Variants in RANBP9 observed in about 807,000 individuals in gnomAD.
RANBP9 encodes the protein ran-binding protein 9.
RANBP9 carries 15 observed loss-of-function variants against 84.3 expected under a neutral mutation model. The observed-to-expected ratio is 0.18, with a 90% confidence interval of 0.12 to 0.27. The LOEUF is 0.27. Among genes scored for constraint, RANBP9 ranks in the 10% least tolerant of loss-of-function variants. The pLI is 1.00. For synonymous variants in RANBP9, 392 were observed against 349.6 expected (o/e 1.12, Z -1.35); for missense variants, 809 against 912.8 (o/e 0.89, Z 1.46).
intron 4 of RANBP9, among the ~76,000 whole-genome samples, chr6:13,653,305 G>T (rs1420483598): frequency 6.6e-6 from 1 of 152,094 alleles, no homozygotes; most frequent in African/African-American, 2.4e-5. Context: ...AATTACAACA[G>T]TCATGTTCTA....
intron 4 of RANBP9, 125 bp downstream of exon 4, chr6:13,656,980 AAAAG>A (rs1364339332): frequency 1.1e-6 from 1 of 880,732 alleles, no homozygotes; most frequent in East Asian, 2.7e-5. Context: ...CTGTCTGGGA[AAAAG>A]AAAGAAACCA....
chr6:13,668,057 G>T (rs1260502390), intron 2 of RANBP9, among the ~76,000 whole-genome samples: 2 of 151,868 alleles, frequency 1.3e-5, no homozygotes, highest in Non-Finnish European at 2.9e-5. Context: ...TCAAAAGTAG[G>T]TTCTACTAAG....
At chr6:13,671,222 C>T (rs568118701) in intron 2 of RANBP9, among the ~76,000 whole-genome samples, 1 of 152,230 alleles carries the variant, frequency 6.6e-6, no homozygotes, top group South Asian at 2.1e-4. Flanking sequence ...TAAAATGGTA[C>T]AGCCACTTTG....
At chr6:13,627,065 T>C (rs995247308) in intron 12 of RANBP9, among the ~76,000 whole-genome samples, 5 of 152,212 alleles carry the variant, frequency 3.3e-5, no homozygotes, top group African/African-American at 1.2e-4. Flanking sequence ...TGGGTAGTTT[T>C]CTCCTCCAAT....
chr6:13,635,405 A>T (rs532642702), intron 10 of RANBP9, among the ~76,000 whole-genome samples: 1 of 152,328 alleles, frequency 6.6e-6, no homozygotes, highest in South Asian at 2.1e-4. Flanking sequence ...GGTAATAATT[A>T]TACAATCTAG....
chr6:13,702,920 T>C (rs1758011386), intron 1 of RANBP9, among the ~76,000 whole-genome samples: 1 of 152,198 alleles, frequency 6.6e-6, no homozygotes, highest in Admixed American at 6.5e-5. Flanking sequence ...CACAATGATC[T>C]AATTTCCAAA....
At chr6:13,627,248 TC>T (rs979534081) in intron 12 of RANBP9, among the ~76,000 whole-genome samples, 2 of 152,142 alleles carry the variant, frequency 1.3e-5, no homozygotes, top group African/African-American at 4.8e-5. Flanking sequence ...TGGTTCTACT[TC>T]CCGCCCCTAA....
chr6:13,679,085 C>G (rs1765967222), intron 2 of RANBP9, among the ~76,000 whole-genome samples: 1 of 152,090 alleles, frequency 6.6e-6, no homozygotes, highest in Non-Finnish European at 1.5e-5. Context: ...AATTCTAATT[C>G]TATGCTGACA....
At chr6:13,629,174 A>C (rs980347433) in intron 12 of RANBP9, among the ~76,000 whole-genome samples, 3 of 152,164 alleles carry the variant, frequency 2.0e-5, no homozygotes, top group African/African-American at 7.2e-5. Flanking sequence ...GCAGTGGTGC[A>C]ATCACAGCTC....
intron 2 of RANBP9, among the ~76,000 whole-genome samples, chr6:13,690,309 T>C (rs1766294771): frequency 6.6e-6 from 1 of 152,214 alleles, no homozygotes; most frequent in African/African-American, 2.4e-5. Flanking sequence ...GTTAAATAAA[T>C]ATATTGCTTA....
chr6:13,655,785 T>C (rs150872672), intron 4 of RANBP9, among the ~76,000 whole-genome samples: 2 of 152,332 alleles, frequency 1.3e-5, no homozygotes, highest in African/African-American at 4.8e-5. Context: ...GATTCAAAAC[T>C]TCCAACATCT....
rs371478478 is a variant in RANBP9, at chr6:13,645,961, C to T, written c.928-1232G>A. On this transcript the variant is annotated intron_variant, in intron 5 of 13. Coordinates refer to ENST00000011619, the MANE Select transcript of RANBP9 (RefSeq NM_005493.3). ...AAAATATCAAAAATATAAAGTACTA[C>T]TGGATTATGGAAATAAATGGTTAAA... Among the ~76,000 whole-genome samples the T allele has an allele frequency of 1.8e-4, 28 of 152,230 alleles. No homozygotes were observed. The East Asian group carries it at 4.6e-3, about 25-fold the overall frequency.
intron 5 of RANBP9, among the ~76,000 whole-genome samples, chr6:13,650,848 C>A (rs1342387902): frequency 6.6e-6 from 1 of 152,068 alleles, no homozygotes; most frequent in Non-Finnish European, 1.5e-5. Context: ...CCTGTGGTCC[C>A]AGCTACTTGG....
intron 2 of RANBP9, among the ~76,000 whole-genome samples, chr6:13,676,885 C>CA (rs1562314688): frequency 6.6e-6 from 1 of 152,052 alleles, no homozygotes; most frequent in African/African-American, 2.4e-5. Flanking sequence ...AGAACATCTA[C>CA]AAAAAACCTA....
chr6:13,692,626 C>T (rs985361389), intron 2 of RANBP9, among the ~76,000 whole-genome samples: 6 of 148,966 alleles, frequency 4.0e-5, no homozygotes, highest in South Asian at 2.1e-4. Flanking sequence ...CAGAGGCAGG[C>T]GGATCACCTG....
intron 2 of RANBP9, among the ~76,000 whole-genome samples, chr6:13,685,137 G>C (rs568621401): frequency 1.3e-5 from 2 of 152,236 alleles, no homozygotes; most frequent in African/African-American, 4.8e-5. Context: ...ACCCCTTCTT[G>C]TGATCCATAA....
At chr6:13,671,638 G>A (rs1225208005) in intron 2 of RANBP9, among the ~76,000 whole-genome samples, 2 of 152,126 alleles carry the variant, frequency 1.3e-5, no homozygotes, top group Non-Finnish European at 2.9e-5. Flanking sequence ...GGAACTGGGA[G>A]GAGTGAGTGT....
chr6:13,694,323 A>T (rs181459962), intron 2 of RANBP9, among the ~76,000 whole-genome samples: 8 of 152,370 alleles, frequency 5.3e-5, no homozygotes, highest in African/African-American at 1.9e-4. Context: ...AATTAGATTT[A>T]AAAGGACTGT....
rs1049642520 is a variant in RANBP9, at chr6:13,634,490, C to T, written c.1736G>A (p.Gly579Asp). 1 of 1,613,562 alleles carries T rather than the reference C, an allele frequency of 6.2e-7. No individual in the cohort carries two copies. Among genetic ancestry groups the T allele is most frequent in the Non-Finnish European group, 8.5e-7 (1 of 1,179,620 alleles). ...SNGVGETSSN[G>D]FLNGSSKHDH... The stretch of plus-strand genomic sequence containing the variant: ...ATGTTTAGAGCTACCATTTAGGAAA[C>T]CATTGGATGAAGTTTCTCCAACTCC... The change falls in exon 11 of 14, where the codon GGT becomes GAT. Residue 579 changes from glycine (G) to aspartate (D), a missense_variant. By Grantham distance (94) the Gly-to-Asp change is moderately conservative (BLOSUM62 -1). This residue lies in a region of RANBP9 where 233 missense variants were observed against 234.4 expected (regional missense o/e 0.99). Transcript: ENST00000011619.
Sources: gnomAD v4.1 joint callset for allele counts (sites outside exome capture counted in the v4.1 genomes callset) on GRCh38, gnomAD v4.1.1 for gene constraint, gnomAD v4.1.1 regional missense constraint, MANE v1.5 for transcripts, NCBI Gene and HGNC (gene_info 2026-07-23, HGNC 2026-07-21) for gene names.